The following KIAA1328 variants were observed in gnomAD, a reference collection of about 807,000 sequenced individuals.
The protein encoded by KIAA1328 is protein hinderin.
In KIAA1328, 52 loss-of-function variants were observed where a neutral mutation model predicts 68.1. That is an observed-to-expected ratio of 0.76 (90% CI 0.61 to 0.96). KIAA1328 has a LOEUF of 0.96. Among genes scored for constraint, KIAA1328 ranks in the 40% least tolerant of loss-of-function variants. KIAA1328 has a pLI of 0.00. For synonymous variants in KIAA1328, 232 were observed against 239.4 expected, an observed-to-expected ratio of 0.97 and a Z score of 0.28; for missense variants, 641 against 677.6, an observed-to-expected ratio of 0.95 and a Z score of 0.60.
chr18:36,859,765 C>G (rs1449278544), intron 4 of KIAA1328, among the ~76,000 whole-genome samples: 1 of 150,714 alleles, frequency 6.6e-6, no homozygotes, highest in Non-Finnish European at 1.5e-5. Flanking sequence ...GTATTTTTTG[C>G]TTTGAAAAAT....
At chr18:36,956,730 T>C (rs1244334707) in intron 5 of KIAA1328, among the ~76,000 whole-genome samples, 3 of 152,206 alleles carry the variant, frequency 2.0e-5, no homozygotes, top group Non-Finnish European at 4.4e-5. Flanking sequence ...CAGAGTAAAA[T>C]TCGTATTCTG....
At position 37,223,955 on chromosome 18, in the gene KIAA1328, T is replaced by A; in HGVS notation, c.*1728T>A. ...AAAAAGTTGGAAAATCATTACAGATTAAAATTTCTTTATAAAGTTCACCTC... is the reference window on the plus strand; with the variant it reads ...AAAAAGTTGGAAAATCATTACAGATAAAAATTTCTTTATAAAGTTCACCTC... On this transcript the variant is annotated 3_prime_UTR_variant, in exon 10 of 10. Transcript: ENST00000280020. 3.0e-6 allele frequency: 3 copies of A among 985,268 alleles called. No homozygotes were observed. Among genetic ancestry groups the A allele is most frequent in the Non-Finnish European group, 3.6e-6 (3 of 829,768 alleles). 61.0% of individuals were successfully genotyped at this position (985,268 alleles called of 1,614,324 possible). A position where few individuals can be genotyped will look rare whatever the true frequency, so the allele number is the denominator to read the frequency against.
At chr18:37,180,543 A>G (rs149422845) in intron 9 of KIAA1328, among the ~76,000 whole-genome samples, 1,637 of 152,252 alleles carry the variant, frequency 0.011, 23 homozygotes, top group Non-Finnish European at 0.018. Flanking sequence ...TTAGTTACAC[A>G]GAGAAGTGGA....
chr18:37,059,177 C>A (rs576138557), intron 6 of KIAA1328, among the ~76,000 whole-genome samples: 9 of 152,012 alleles, frequency 5.9e-5, no homozygotes, highest in African/African-American at 2.2e-4. Flanking sequence ...TAATAACTAC[C>A]TTACAGAATT....
chr18:36,837,431 G>A lies in KIAA1328; in HGVS notation c.237+2055G>A, dbSNP rs555567527. Among the ~76,000 whole-genome samples, 47 of 152,184 alleles carry A rather than the reference G, an allele frequency of 3.1e-4. 1 individual carries two copies. Among genetic ancestry groups the A allele is most frequent in the African/African-American group, 1.1e-3 (45 of 41,548 alleles). ...TCTAGTCATATCCTTTTTTAACTGA[G>A]TTATTTGTCTTAGTACTGTTAAGTT... On this transcript the variant is annotated intron_variant, in intron 3 of 9. Coordinates refer to ENST00000280020, the MANE Select transcript of KIAA1328 (RefSeq NM_020776.3).
At position 37,216,899 on chromosome 18, in the gene KIAA1328, C is replaced by CTTTT. The variant is rs762745405; in HGVS notation, c.1524-5104_1524-5101dup. Among the ~76,000 whole-genome samples the CTTTT allele has an allele frequency of 3.3e-4, 30 of 90,344 alleles. 1 individual carries two copies. The highest frequency in any genetic ancestry group is 5.5e-4 in the Non-Finnish European group (25 of 45,322). 59.3% of individuals were successfully genotyped at this position (90,344 alleles called of 152,430 possible). On this transcript the variant is annotated intron_variant, in intron 9 of 9. Transcript: ENST00000280020. The stretch of plus-strand genomic sequence containing the variant: ...CATTCTTTGATTGCCTTCTTTGTCT[C>CTTTT]TTTTTTTTTTTTTTTTTGTCTTTGT...
intron 6 of KIAA1328, among the ~76,000 whole-genome samples, chr18:37,048,494 T>G (rs556909339): frequency 1.3e-3 from 203 of 152,328 alleles, no homozygotes; most frequent in African/African-American, 4.5e-3. Flanking sequence ...TCTATTTGCC[T>G]ATCCTTACTC....
In KIAA1328 at chr18:37,067,196, T is replaced by C; in HGVS notation, c.883T>C (p.Cys295Arg). The change falls in exon 7 of 10, where the codon TGT (cysteine) becomes CGT (arginine). Residue 295 changes from cysteine to arginine, a missense_variant. Transcript: ENST00000280020. ...MPQEELHMKE[C>R]PHLKPTPSQC... ...ACAAGAAGAATTGCACATGAAGGAA[T>C]GTCCACATCTTAAGCCTACTCCTAG... The C allele has an allele frequency of 1.2e-6, 2 of 1,613,534 alleles. No homozygotes were observed. The highest frequency in any genetic ancestry group is 1.7e-6 in the Non-Finnish European group (2 of 1,179,494).
intron 6 of KIAA1328, among the ~76,000 whole-genome samples, chr18:37,011,665 G>A (rs956886998): frequency 5.1e-4 from 78 of 152,108 alleles, no homozygotes; most frequent in Non-Finnish European, 2.2e-4. Context: ...AACTTGGCAC[G>A]CACAGTATAC....
chr18:37,017,752 C>T (rs1173102996), intron 6 of KIAA1328, among the ~76,000 whole-genome samples: 1 of 152,060 alleles, frequency 6.6e-6, no homozygotes, highest in African/African-American at 2.4e-5. Flanking sequence ...AGTTTAAACT[C>T]TGTTTTGTCA....
chr18:37,070,532 T>C (rs907237741), intron 7 of KIAA1328, among the ~76,000 whole-genome samples: 3 of 152,110 alleles, frequency 2.0e-5, no homozygotes, highest in African/African-American at 7.2e-5. Context: ...TCTTGGTAGA[T>C]CGACCATCTT....
intron 6 of KIAA1328, among the ~76,000 whole-genome samples, chr18:37,043,742 T>G (rs981762606): frequency 1.3e-5 from 2 of 152,218 alleles, no homozygotes; most frequent in Non-Finnish European, 2.9e-5. Flanking sequence ...ACTTAGATAA[T>G]TAAGGCCCTC....
chr18:36,953,026 A>G (rs1260838754), intron 5 of KIAA1328, among the ~76,000 whole-genome samples: 2 of 151,908 alleles, frequency 1.3e-5, no homozygotes, highest in South Asian at 2.1e-4. Context: ...TTTTCCTGCA[A>G]TGTTTTATTA....
chr18:37,017,539 C>G (rs2054193066), intron 6 of KIAA1328, among the ~76,000 whole-genome samples: 1 of 152,068 alleles, frequency 6.6e-6, no homozygotes, highest in Non-Finnish European at 1.5e-5. Flanking sequence ...CCTCAGTGAT[C>G]TGTCTTATGC....
In KIAA1328 at chr18:37,223,670, G is replaced by C; in HGVS notation, c.*1443G>C. 1 of 985,388 alleles carries C rather than the reference G, an allele frequency of 1.0e-6. No individual in the cohort carries two copies. The highest frequency in any genetic ancestry group is 1.2e-6 in the Non-Finnish European group (1 of 829,928). The allele number at this position is 985,388 out of a possible 1,614,324, so 61.0% of individuals were successfully genotyped here. A position where few individuals can be genotyped will look rare whatever the true frequency, so the allele number is the denominator to read the frequency against. ...AGGGCAGCCTGCATGCAGCGAGTCT[G>C]CGTGGCTTCCCTGAATTACTCTTTT... On this transcript the variant is annotated 3_prime_UTR_variant, in exon 10 of 10. Coordinates refer to ENST00000280020, the MANE Select transcript of KIAA1328 (RefSeq NM_020776.3).
At chr18:37,088,184 G>T (rs323299) in intron 7 of KIAA1328, among the ~76,000 whole-genome samples, 66,406 of 151,982 alleles carry the variant, frequency 0.44, 16,472 homozygotes, top group African/African-American at 0.69. Flanking sequence ...TTTCAACTGA[G>T]ACACCTGCTT....
intron 9 of KIAA1328, among the ~76,000 whole-genome samples, chr18:37,211,605 A>G (rs556279856): frequency 2.0e-5 from 3 of 152,368 alleles, no homozygotes; most frequent in East Asian, 1.9e-4. Context: ...CAGGATGAGC[A>G]TGAAAAATAA....
intron 7 of KIAA1328, among the ~76,000 whole-genome samples, chr18:37,094,062 A>T (rs1029127252): frequency 4.6e-5 from 7 of 152,178 alleles, no homozygotes; most frequent in African/African-American, 1.7e-4. Context: ...TTGGGATGAA[A>T]CTGTTTCACC....
At chr18:37,155,362 T>G (rs1045362647) in intron 7 of KIAA1328, among the ~76,000 whole-genome samples, 1 of 152,210 alleles carries the variant, frequency 6.6e-6, no homozygotes, top group Non-Finnish European at 1.5e-5. Context: ...TCCATAAGCA[T>G]CTCAAGCTGC....
Sources: gnomAD v4.1 joint callset for allele counts (sites outside exome capture counted in the v4.1 genomes callset) on GRCh38, gnomAD v4.1.1 for gene constraint, MANE v1.5 for transcripts, NCBI Gene and HGNC (gene_info 2026-07-23, HGNC 2026-07-21) for gene names.